PITPNM1: variants seen among roughly 807,000 people sequenced by gnomAD.
PITPNM1 encodes membrane-associated phosphatidylinositol transfer protein 1.
In PITPNM1, 74 loss-of-function variants were observed where a neutral mutation model predicts 133.3. The ratio of observed to expected loss-of-function variants is 0.56; its 90% CI spans 0.46 to 0.67. PITPNM1 has a LOEUF of 0.67. Among genes scored for constraint, PITPNM1 ranks in the 30% least tolerant of loss-of-function variants. The pLI is 0.00. For synonymous variants in PITPNM1, 738 were observed against 741.4 expected, an observed-to-expected ratio of 1.00 and a Z score of 0.08; for missense variants, 1,398 against 1,739.5, an observed-to-expected ratio of 0.80 and a Z score of 3.49.
chr11:67,492,961 G>A lies in PITPNM1; in HGVS notation c.3444C>T (p.Ala1148=), dbSNP rs746703246. The change falls in exon 23 of 24, where the codon GCC becomes GCT. Residue 1148 remains alanine (A), a synonymous_variant. Transcript: ENST00000356404. ...SPSQTYIVGR[A]VRKLQAQCQF... is the part of the protein sequence containing the mutation. ...GGCACTGCGCCTGTAGCTTCCGCAC[G>A]GCACGGCCCACGATGTAGGTCTGGC... 7 of 1,612,790 alleles carry A rather than the reference G, an allele frequency of 4.3e-6. No homozygotes were observed. The highest frequency in any genetic ancestry group is 2.2e-5 in the East Asian group (1 of 44,894).
At chr11:67,501,052 C>G (rs1305969857) in intron 5 of PITPNM1, among the ~76,000 whole-genome samples, 1 of 152,248 alleles carries the variant, frequency 6.6e-6, no homozygotes, top group Non-Finnish European at 1.5e-5. Flanking sequence ...CCTCATTATT[C>G]TCTAAGCTGA....
In PITPNM1 at chr11:67,500,280, G is replaced by C. The variant is rs372306233; in HGVS notation, c.782C>G (p.Thr261Arg). The change falls in exon 6 of 24, where the codon ACA (threonine) becomes AGA (arginine). Residue 261 changes from threonine to arginine, a missense_variant. By Grantham distance (71) the Thr-to-Arg change is moderately conservative (BLOSUM62 -1). Around this residue, in one of 5 missense-constraint regions of PITPNM1, gnomAD observed 195 missense variants for 178.8 expected, o/e 1.09. Coordinates refer to ENST00000356404, the MANE Select transcript of PITPNM1 (RefSeq NM_004910.3). ...MLAQRMAKCN[T>R]GSEGSEAQPP... is the part of the protein sequence containing the mutation. ...CTGGGCCTCGGACCCCTCACTGCCT[G>C]TGTTGCACTTGGCCATGCGCTGGGC... The C allele has an allele frequency of 1.9e-6, 3 of 1,609,866 alleles. No homozygotes were observed. Among genetic ancestry groups the C allele is most frequent in the Admixed American group, 1.7e-5 (1 of 60,006 alleles).
At chr11:67,497,730 T>G in intron 12 of PITPNM1, 51 bp from the exon 13 acceptor site, 2 of 1,594,496 alleles carry the variant, frequency 1.3e-6, no homozygotes, top group Admixed American at 3.6e-5. Context: ...ACCATTCGAA[T>G]TCTACTTACT....
rs1591066012 is a variant in PITPNM1, at chr11:67,502,363, T to A, written c.344A>T (p.Tyr115Phe). The change falls in exon 4 of 24, where the codon TAC becomes TTC. Residue 115 changes from tyrosine (Y) to phenylalanine (F), a missense_variant. By Grantham distance (22) the Tyr-to-Phe change is conservative. Around this residue, in one of 5 missense-constraint regions of PITPNM1, gnomAD observed 274 missense variants for 360.7 expected, o/e 0.76. Coordinates refer to ENST00000356404, the MANE Select transcript of PITPNM1 (RefSeq NM_004910.3). The surrounding 1 kb of genome is among the most constrained non-coding windows in gnomAD (Gnocchi z 5.9). ...TGGCTGCTGCCCCCCATCAGGCAGG[T>A]AATAGGTCTCAATTTCAATGGAGAA... ...EKFSIEIETY[Y>F]LPDGGQQPNV... is the part of the protein sequence containing the mutation. 2 of 1,613,672 alleles carry A rather than the reference T, an allele frequency of 1.2e-6. No individual in the cohort carries two copies. Among genetic ancestry groups the A allele is most frequent in the Non-Finnish European group, 1.7e-6 (2 of 1,179,994 alleles).
chr11:67,498,292 G>C lies in PITPNM1; in HGVS notation c.1515C>G (p.Ser505Arg). ...NLSPYSHDGD[S>R]LSRSQDHIPL... ...GAATGTGGTCTTGGGAGCGAGACAG[G>C]CTGTCCCCATCGTGGCTGTAAGGGC... The change falls in exon 11 of 24, where the codon AGC becomes AGG. Residue 505 changes from serine to arginine, a missense_variant. By Grantham distance (110) the Ser-to-Arg change is moderately radical. Around this residue, in one of 5 missense-constraint regions of PITPNM1, gnomAD observed 574 missense variants for 698.7 expected, o/e 0.82. Transcript: ENST00000356404. The surrounding 1 kb of genome is among the most constrained non-coding windows in gnomAD (Gnocchi z 5.7). 2 of 1,598,224 alleles carry C rather than the reference G, an allele frequency of 1.3e-6. No homozygotes were observed. The highest frequency in any genetic ancestry group is 2.2e-5 in the South Asian group (2 of 89,058).
rs894148416 is a variant in PITPNM1 at position 67,492,229 on chromosome 11, G to A, written c.3539C>T (p.Ser1180Leu). The A allele has an allele frequency of 1.0e-5, 16 of 1,603,840 alleles. No individual in the cohort carries two copies. Among genetic ancestry groups the A allele is most frequent in the East Asian group, 2.2e-5 (1 of 44,552 alleles). The change falls in exon 24 of 24, where the codon TCG (serine) becomes TTG (leucine). Residue 1180 changes from serine (S) to leucine (L), a missense_variant. This residue lies in a region of PITPNM1 where 122 missense variants were observed against 123.3 expected (regional missense o/e 0.99). Coordinates refer to ENST00000356404, the MANE Select transcript of PITPNM1 (RefSeq NM_004910.3). ...LEAGSHSHAS[S>L]GPPRAALGKS... ...GCCCAAGGCAGCTCTCGGGGGTCCC[G>A]AGGAGGCATGCGAGTGCGAGCCCGC...
In PITPNM1 at chr11:67,502,661, G is replaced by A. The variant is rs759483978; in HGVS notation, c.136C>T (p.Arg46Trp). The A allele has an allele frequency of 8.7e-6, 14 of 1,613,400 alleles. No homozygotes were observed. Among genetic ancestry groups the A allele is most frequent in the Admixed American group, 5.0e-5 (3 of 60,014 alleles). The change falls in exon 3 of 24, where the codon CGG becomes TGG. Residue 46 changes from arginine to tryptophan, a missense_variant. Transcript: ENST00000356404. This position sits in a 1 kb window ranked among gnomAD's most constrained non-coding sequence, Gnocchi z 5.9. ...EGSGVEILAN[R>W]PYTDGPGGSG... The stretch of plus-strand genomic sequence containing the variant: ...CCCCCGGGCCCATCCGTGTAGGGCC[G>A]GTTGGCCAGGATCTCCACGCCGCTG...
rs747163432 is a variant in PITPNM1 at position 67,497,373 on chromosome 11, G to A, written c.2004C>T (p.Cys668=). The A allele has an allele frequency of 6.3e-6, 10 of 1,599,732 alleles. No individual in the cohort carries two copies. In the East Asian group the frequency reaches 2.0e-4, roughly 32 times the overall value. ...WEPRRASTAF[C]PPAASSEAPD... The stretch of plus-strand genomic sequence containing the variant: ...GTGCCTCGGAACTGGCAGCGGGTGG[G>A]CAGAAGGCCGTGCTTGCCCGCCGGG... The change falls in exon 14 of 24, where the codon TGC becomes TGT. Residue 668 remains cysteine (C), a synonymous_variant. Coordinates refer to ENST00000356404, the MANE Select transcript of PITPNM1 (RefSeq NM_004910.3).
rs1866023511 is a variant in PITPNM1 at position 67,493,986 on chromosome 11, T to C, written c.2944A>G (p.Thr982Ala). 6.2e-7 allele frequency: 1 copy of C among 1,611,734 alleles called. No individual in the cohort carries two copies. The highest frequency in any genetic ancestry group is 1.7e-5 in the Admixed American group (1 of 59,878). Residue 982 changes from threonine (T) to alanine (A), a missense_variant, in exon 20 of 24, where the codon ACC (threonine) becomes GCC (alanine). Thr to Ala is a moderately conservative substitution (Grantham distance 58). Coordinates refer to ENST00000356404, the MANE Select transcript of PITPNM1 (RefSeq NM_004910.3). The stretch of plus-strand genomic sequence containing the variant: ...GCGCGTTCTGGGGGAACTGGGAAGG[T>C]GAGGCGGCCCGAGCTATTGGTGACT... ...TEVTNSSGRL[T>A]FPVPPERALG...
intron 17 of PITPNM1, 49 bp downstream of exon 17, chr11:67,495,028 G>T (rs1252880467): frequency 6.2e-7 from 1 of 1,607,032 alleles, no homozygotes; most frequent in Non-Finnish European, 8.5e-7. Flanking sequence ...GCCCAAAGCA[G>T]CCCATCCCCG....
rs2134341787 is a variant in PITPNM1, at chr11:67,504,872, A to G, written c.-42+316T>C. The G allele has an allele frequency of 6.5e-6, 1 of 152,738 alleles. No individual in the cohort carries two copies. Among genetic ancestry groups the G allele is most frequent in the South Asian group, 2.1e-4 (1 of 4,826 alleles). The allele number at this position is 152,738 out of a possible 1,614,324, so 9.5% of individuals were successfully genotyped here. A position where few individuals can be genotyped will look rare whatever the true frequency, so the allele number is the denominator to read the frequency against. On this transcript the variant is annotated intron_variant, in intron 1 of 23. Coordinates refer to ENST00000356404, the MANE Select transcript of PITPNM1 (RefSeq NM_004910.3). The surrounding 1 kb of genome is among the most constrained non-coding windows in gnomAD (Gnocchi z 5.4). ...GGGTCCTCGACCTCCCCCTCCCAGCATCCTTCCTGGACCCCTGGCCCTCGC... is the reference window on the plus strand; with the variant it reads ...GGGTCCTCGACCTCCCCCTCCCAGCGTCCTTCCTGGACCCCTGGCCCTCGC...
chr11:67,499,212 A>C (rs528885364), intron 8 of PITPNM1, among the ~76,000 whole-genome samples: 101 of 152,108 alleles, frequency 6.6e-4, no homozygotes, highest in African/African-American at 2.3e-3. Context: ...GCCTCTCCAC[A>C]CAATGCCTGT....
Position 67,498,987 on chromosome 11 carries a change from C to A in PITPNM1, c.1186G>T (p.Ala396Ser), listed in dbSNP as rs767078636. ...GCCCCATCCTCAATGCCTTTAGCTG[C>A]CTCGGCTCCAGGCTCTGCAGGGCAA... ...AEGTPEPGAE[A>S]AKGIEDGAQA... The change falls in exon 9 of 24, where the codon GCA (alanine) becomes TCA (serine). Residue 396 changes from alanine (A) to serine (S), a missense_variant. Physicochemically the swap from Ala to Ser is moderately conservative, Grantham distance 99. Transcript: ENST00000356404. This position sits in a 1 kb window ranked among gnomAD's most constrained non-coding sequence, Gnocchi z 5.7. 26 of 1,612,130 alleles carry A rather than the reference C, an allele frequency of 1.6e-5. No individual in the cohort carries two copies. The highest frequency in any genetic ancestry group is 2.2e-5 in the Non-Finnish European group (26 of 1,179,522).
In PITPNM1 at chr11:67,504,389, C is replaced by T. The variant is rs1356502515; in HGVS notation, c.-41-168G>A. ...CCCGCGCCGCCGGGGCCGGGAGCCGCAGCGAGGCTGAGCGCTGACCTCTTT... is the reference window on the plus strand; with the variant it reads ...CCCGCGCCGCCGGGGCCGGGAGCCGTAGCGAGGCTGAGCGCTGACCTCTTT... On this transcript the variant is annotated intron_variant, in intron 1 of 23. Coordinates refer to ENST00000356404, the MANE Select transcript of PITPNM1 (RefSeq NM_004910.3). This position sits in a 1 kb window ranked among gnomAD's most constrained non-coding sequence, Gnocchi z 5.4. 1 of 242,216 alleles carries T rather than the reference C, an allele frequency of 4.1e-6. No homozygotes were observed. The allele number at this position is 242,216 out of a possible 1,614,324, so 15.0% of individuals were successfully genotyped here.
rs369588837 is a variant in PITPNM1, at chr11:67,497,693, G to C, written c.1783-14C>G. 74 of 1,607,670 alleles carry C rather than the reference G, an allele frequency of 4.6e-5. No homozygotes were observed. Among genetic ancestry groups the C allele is most frequent in the Non-Finnish European group, 5.9e-5 (70 of 1,178,528 alleles). ...CAGCTCATTGTTCTGGATGGAACAGGAGACAGAAACATTCTTAGGCCTGGG... is the reference window on the plus strand; with the variant it reads ...CAGCTCATTGTTCTGGATGGAACAGCAGACAGAAACATTCTTAGGCCTGGG... On this transcript the variant is annotated splice_polypyrimidine_tract_variant and intron_variant, in intron 12 of 23. Coordinates refer to ENST00000356404, the MANE Select transcript of PITPNM1 (RefSeq NM_004910.3).
rs868782064 is a variant in PITPNM1 at position 67,493,704 on chromosome 11, C to T, written c.3142G>A (p.Ala1048Thr). The part of the protein sequence containing the change: ...MGSDPKVRAG[A>T]VDVVRHWQDS... The stretch of plus-strand genomic sequence containing the variant: ...AACTCCTACCTGACCACGTCCACGG[C>T]GCCAGCTCGCACCTTGGGGTCGCTG... The change falls in exon 21 of 24, where the codon GCC becomes ACC. Residue 1048 changes from alanine to threonine, a missense_variant. This residue lies in a region of PITPNM1 where 233 missense variants were observed against 378.0 expected (regional missense o/e 0.62). Coordinates refer to ENST00000356404, the MANE Select transcript of PITPNM1 (RefSeq NM_004910.3). 1.3e-6 allele frequency: 2 copies of T among 1,546,782 alleles called. No homozygotes were observed. Among genetic ancestry groups the T allele is most frequent in the Non-Finnish European group, 1.7e-6 (2 of 1,146,932 alleles).
rs1291083120 is a variant in PITPNM1 at position 67,500,341 on chromosome 11, T to C, written c.721A>G (p.Ile241Val). Residue 241 changes from isoleucine (I) to valine (V), a missense_variant, in exon 6 of 24, where the codon ATC becomes GTC. Physicochemically the swap from Ile to Val is conservative, Grantham distance 29. Coordinates refer to ENST00000356404, the MANE Select transcript of PITPNM1 (RefSeq NM_004910.3). Reference protein sequence around the residue: ...DEWTELSMADIRALEEETARM... With the variant: ...DEWTELSMADVRALEEETARM... ...GCAGTCTCCTCTTCCAGTGCCCGGA[T>C]GTCAGCCATGCTCAGCTCTGTCCAC... The C allele has an allele frequency of 1.2e-6, 2 of 1,612,220 alleles. No individual in the cohort carries two copies. Among genetic ancestry groups the C allele is most frequent in the South Asian group, 2.2e-5 (2 of 91,088 alleles).
intron 19 of PITPNM1, 69 bp from the exon 20 acceptor site, chr11:67,494,139 TC>T: frequency 6.4e-7 from 1 of 1,562,766 alleles, no homozygotes; most frequent in Non-Finnish European, 8.8e-7. Flanking sequence ...GGGGCTGTCG[TC>T]GGGGATGGGT....
Position 67,493,697 on chromosome 11 carries a change from T to C in PITPNM1, c.3149A>G (p.Asp1050Gly), listed in dbSNP as rs1866010760. Residue 1050 changes from aspartate to glycine, a missense_variant, in exon 21 of 24, where the codon GAC becomes GGC. Coordinates refer to ENST00000356404, the MANE Select transcript of PITPNM1 (RefSeq NM_004910.3). ...SDPKVRAGAVDVVRHWQDSGY... is the reference protein window; with the variant it reads ...SDPKVRAGAVGVVRHWQDSGY... ...CAGTGGCAACTCCTACCTGACCACG[T>C]CCACGGCGCCAGCTCGCACCTTGGG... 1.3e-6 allele frequency: 2 copies of C among 1,546,454 alleles called. No individual in the cohort carries two copies. The highest frequency in any genetic ancestry group is 2.7e-5 in the African/African-American group (2 of 73,016).
Sources: gnomAD v4.1 joint callset for allele counts (sites outside exome capture counted in the v4.1 genomes callset) on GRCh38, gnomAD v4.1.1 for gene constraint, gnomAD v4.1.1 regional missense constraint, Gnocchi (gnomAD v3.1) non-coding constraint, MANE v1.5 for transcripts, NCBI Gene and HGNC (gene_info 2026-07-23, HGNC 2026-07-21) for gene names.